LRMDA: variants seen among roughly 807,000 people sequenced by gnomAD.
LRMDA encodes leucine-rich melanocyte differentiation-associated protein.
A neutral mutation model predicts 29.8 loss-of-function variants in LRMDA; 18 were observed. That is an observed-to-expected ratio of 0.60 (90% CI 0.42 to 0.90). LRMDA has a LOEUF of 0.90. LRMDA is among the 40% of genes least tolerant of loss of function. The pLI is 0.00. For missense variants in LRMDA, 273 were observed against 273.9 expected, an observed-to-expected ratio of 1.00 and a Z score of 0.02; for synonymous variants, 125 against 109.4, an observed-to-expected ratio of 1.14 and a Z score of -0.89.
intron 5 of LRMDA, among the ~76,000 whole-genome samples, chr10:76,110,043 G>A (rs1295022668): frequency 6.6e-6 from 1 of 152,116 alleles, no homozygotes; most frequent in Non-Finnish European, 1.5e-5. Context: ...AAAGTACTCA[G>A]GGATGTGTCC....
chr10:75,857,571 A>G (rs1045280110), intron 2 of LRMDA, among the ~76,000 whole-genome samples: 1 of 152,220 alleles, frequency 6.6e-6, no homozygotes, highest in Non-Finnish European at 1.5e-5. Context: ...CCAGAGGGCC[A>G]ATAAATAACT....
At chr10:76,272,312 G>C (rs535774979) in intron 5 of LRMDA, among the ~76,000 whole-genome samples, 1 of 152,144 alleles carries the variant, frequency 6.6e-6, no homozygotes, top group Admixed American at 6.5e-5. Context: ...TGCCACATGG[G>C]ACTTGTATGG....
chr10:75,964,617 C>T (rs1315644779), intron 2 of LRMDA, among the ~76,000 whole-genome samples: 1 of 152,174 alleles, frequency 6.6e-6, no homozygotes, highest in Non-Finnish European at 1.5e-5. Flanking sequence ...TAAAGCAGAT[C>T]TCTGCAGAAG....
intron 5 of LRMDA, among the ~76,000 whole-genome samples, chr10:76,088,497 G>A (rs1254885597): frequency 6.6e-6 from 1 of 152,160 alleles, no homozygotes; most frequent in African/African-American, 2.4e-5. Context: ...AAACAGGAAG[G>A]CCCCAAGGGA....
At chr10:76,395,467 G>A (rs572523382) in intron 6 of LRMDA, among the ~76,000 whole-genome samples, 5 of 152,202 alleles carry the variant, frequency 3.3e-5, no homozygotes, top group African/African-American at 4.8e-5. Context: ...TGGCTCATCA[G>A]AGGGCAGCTT....
At chr10:75,722,276 C>G (rs1216271493) in intron 2 of LRMDA, among the ~76,000 whole-genome samples, 1 of 152,092 alleles carries the variant, frequency 6.6e-6, no homozygotes, top group Non-Finnish European at 1.5e-5. Flanking sequence ...GTTGAGGCCT[C>G]AAACCCCTCA....
intron 5 of LRMDA, among the ~76,000 whole-genome samples, chr10:76,303,798 CA>C (rs1305894006): frequency 6.6e-6 from 1 of 150,908 alleles, no homozygotes; most frequent in Non-Finnish European, 1.5e-5. Context: ...CTGCAGTGAG[CA>C]GTGACAAGCA....
At chr10:75,452,560 G>T (rs1844473551) in intron 2 of LRMDA, among the ~76,000 whole-genome samples, 1 of 129,278 alleles carries the variant, frequency 7.7e-6, no homozygotes, top group African/African-American at 2.9e-5. Flanking sequence ...AAAACTCAGT[G>T]ATTTCAGGAT....
chr10:76,555,672 A>C (rs1310302064), intron 6 of LRMDA, among the ~76,000 whole-genome samples: 1 of 152,086 alleles, frequency 6.6e-6, no homozygotes, highest in African/African-American at 2.4e-5. Context: ...TAGTGGAGAA[A>C]CATCTCTTTT....
At chr10:75,733,373 T>A (rs975254168) in intron 2 of LRMDA, among the ~76,000 whole-genome samples, 6 of 152,204 alleles carry the variant, frequency 3.9e-5, no homozygotes, top group African/African-American at 1.4e-4. Context: ...TGAGTGAGAA[T>A]AGGGAAGGAG....
At chr10:76,350,212 A>G (rs943667723) in intron 6 of LRMDA, among the ~76,000 whole-genome samples, 26 of 152,022 alleles carry the variant, frequency 1.7e-4, no homozygotes, top group African/African-American at 6.3e-4. Context: ...GGAACGACCA[A>G]TGGGATTTAT....
intron 6 of LRMDA, among the ~76,000 whole-genome samples, chr10:76,549,811 A>T (rs1427082659): frequency 1.3e-5 from 2 of 152,242 alleles, no homozygotes; most frequent in African/African-American, 4.8e-5. Context: ...TTGTTGATAT[A>T]TTGAAAACCA....
intron 2 of LRMDA, among the ~76,000 whole-genome samples, chr10:75,483,247 C>A (rs1844872924): frequency 6.6e-6 from 1 of 152,148 alleles, no homozygotes; most frequent in African/African-American, 2.4e-5. Flanking sequence ...ACACCCCACC[C>A]ATCATTTCTT....
At chr10:75,855,538 C>G (rs569977393) in intron 2 of LRMDA, among the ~76,000 whole-genome samples, 1 of 152,176 alleles carries the variant, frequency 6.6e-6, no homozygotes, top group South Asian at 2.1e-4. Flanking sequence ...GATGGTAGTT[C>G]CTTTTGCTGC....
At chr10:76,487,150 T>C (rs1439912164) in intron 6 of LRMDA, among the ~76,000 whole-genome samples, 1 of 151,926 alleles carries the variant, frequency 6.6e-6, no homozygotes, top group Non-Finnish European at 1.5e-5. Flanking sequence ...TGAAGGATGT[T>C]GAATGTGCAT....
chr10:75,672,863 C>T (rs963361957), intron 2 of LRMDA, among the ~76,000 whole-genome samples: 6 of 151,536 alleles, frequency 4.0e-5, no homozygotes, highest in South Asian at 2.1e-4. Flanking sequence ...TGAACCACTG[C>T]GCCCAACCCT....
intron 2 of LRMDA, among the ~76,000 whole-genome samples, chr10:75,884,605 G>C (rs1363855156): frequency 6.6e-6 from 1 of 152,208 alleles, no homozygotes; most frequent in African/African-American, 2.4e-5. Flanking sequence ...CCTAGGGACA[G>C]GAGAATTAGA....
chr10:75,714,876 T>C (rs1212933490), intron 2 of LRMDA, among the ~76,000 whole-genome samples: 5 of 132,120 alleles, frequency 3.8e-5, no homozygotes, highest in Non-Finnish European at 8.0e-5. Context: ...CCTTCCTTCC[T>C]TCCTTCTTTC....
Position 75,511,229 on chromosome 10 carries a change from C to A in LRMDA, c.131+72735C>A, listed in dbSNP as rs190210020. ...GTGCATCTGTAGTCCCACCTACTCG[C>A]GAGGCTGAGGTGGGAGGATTGCCTC... On this transcript the variant is annotated intron_variant, in intron 2 of 6. Coordinates refer to ENST00000611255, the MANE Select transcript of LRMDA (RefSeq NM_001305581.2). 5.9e-5 allele frequency among the ~76,000 whole-genome samples: 9 copies of A among 151,834 alleles called. No homozygotes were observed. In the South Asian group the frequency reaches 1.9e-3, roughly 32 times the overall value.
Sources: gnomAD v4.1 joint callset for allele counts (sites outside exome capture counted in the v4.1 genomes callset) on GRCh38, gnomAD v4.1.1 for gene constraint, MANE v1.5 for transcripts, NCBI Gene and HGNC (gene_info 2026-07-23, HGNC 2026-07-21) for gene names.